CEPT1: variants seen among roughly 807,000 people sequenced by gnomAD.
CEPT1 encodes choline/ethanolamine phosphotransferase 1.
CEPT1 carries 7 observed loss-of-function variants against 42.6 expected under a neutral mutation model. The ratio of observed to expected loss-of-function variants is 0.16; its 90% CI spans 0.09 to 0.31. The LOEUF is 0.31. Among genes scored for constraint, CEPT1 ranks in the 10% least tolerant of loss-of-function variants. The pLI, the probability that CEPT1 is intolerant of heterozygous loss-of-function variation, is 1.00. For synonymous variants in CEPT1, 171 were observed against 171.9 expected (o/e 0.99, Z 0.04); for missense variants, 306 against 502.1 (o/e 0.61, Z 3.73).
chr1:111,182,965 C>T lies in CEPT1; in HGVS notation c.1005+8C>T. ...ATCACTAATAAGCTTGTGGTAAGCA[C>T]CTGAGTTTTTATTTGCTGTGTTTTT... is the stretch of plus-strand genomic sequence containing the variant. On this transcript the variant is annotated splice_region_variant and intron_variant, in intron 7 of 8. Transcript: ENST00000357172. 6.2e-7 allele frequency: 1 copy of T among 1,605,096 alleles called. No homozygotes were observed. Among genetic ancestry groups the T allele is most frequent in the Non-Finnish European group, 8.5e-7 (1 of 1,175,992 alleles).
chr1:111,181,799 G>T (rs746001305), intron 5 of CEPT1: 3 of 153,284 alleles, frequency 2.0e-5, no homozygotes, highest in African/African-American at 7.2e-5. Flanking sequence ...AGATTTAGAG[G>T]TAGAATTCAA....
At chr1:111,182,032 C>T in intron 5 of CEPT1, 155 bp from the exon 6 acceptor site, 1 of 493,244 alleles carries the variant, frequency 2.0e-6, no homozygotes, top group Non-Finnish European at 3.5e-6. Context: ...TGCTATATTG[C>T]TTATAATGAA....
chr1:111,174,121 C>T (rs1656558915), intron 4 of CEPT1, among the ~76,000 whole-genome samples: 1 of 152,104 alleles, frequency 6.6e-6, no homozygotes, highest in Non-Finnish European at 1.5e-5. Flanking sequence ...GCTAAGTTTA[C>T]AAGAGGAAAG....
At chr1:111,145,598 A>G (rs944433486) in intron 1 of CEPT1, among the ~76,000 whole-genome samples, 1 of 152,068 alleles carries the variant, frequency 6.6e-6, no homozygotes, top group Non-Finnish European at 1.5e-5. Context: ...GCTGGTACCT[A>G]CTTGTCCATG....
chr1:111,167,117 C>T, intron 4 of CEPT1: 1 of 985,198 alleles, frequency 1.0e-6, no homozygotes, highest in Non-Finnish European at 1.2e-6. Flanking sequence ...TTCGATGTTA[C>T]AGAGTCCCAG....
intron 5 of CEPT1, among the ~76,000 whole-genome samples, chr1:111,175,562 G>A (rs1656633792): frequency 6.6e-6 from 1 of 152,124 alleles, no homozygotes; most frequent in East Asian, 1.9e-4. Context: ...GTGTGCGTTT[G>A]ACCCAGGTTC....
Position 111,184,932 on chromosome 1 carries a change from G to A in CEPT1, c.*622G>A, listed in dbSNP as rs1657191753. On this transcript the variant is annotated 3_prime_UTR_variant, in exon 9 of 9. Transcript: ENST00000357172. ...ATCCTGTTAGCATGCAGAATAATGTGGTAACTTTGTCAATTTCCCATTTTA... is the reference window on the plus strand; with the variant it reads ...ATCCTGTTAGCATGCAGAATAATGTAGTAACTTTGTCAATTTCCCATTTTA... 5 of 146,990 alleles carry A rather than the reference G, an allele frequency of 3.4e-5. No individual in the cohort carries two copies. The South Asian group carries it at 1.1e-3, about 32-fold the overall frequency. 9.1% of individuals were successfully genotyped at this position (146,990 alleles called of 1,614,324 possible).
chr1:111,160,375 C>T (rs1031059145), intron 3 of CEPT1: 2 of 152,124 alleles, frequency 1.3e-5, no homozygotes, highest in Non-Finnish European at 2.9e-5. Flanking sequence ...TGACATGGCA[C>T]TTAAAATATT....
At chr1:111,156,850 G>A (rs927863610) in intron 2 of CEPT1, among the ~76,000 whole-genome samples, 2 of 152,110 alleles carry the variant, frequency 1.3e-5, no homozygotes, top group African/African-American at 4.8e-5. Context: ...AAAACCATAT[G>A]TTTCTTGGAA....
At position 111,183,606 on chromosome 1, in the gene CEPT1, C is replaced by T. The variant is rs771262800; in HGVS notation, c.1131+19C>T. On this transcript the variant is annotated intron_variant, in intron 8 of 8. Coordinates refer to ENST00000357172, the MANE Select transcript of CEPT1 (RefSeq NM_006090.5). ...TGCCCTGGTAAGTATTGTACTAAGT[C>T]TTATTTCATGGTTTGAGGGTTTGAA... 9 of 1,599,106 alleles carry T rather than the reference C, an allele frequency of 5.6e-6. No individual in the cohort carries two copies. The highest frequency in any genetic ancestry group is 6.8e-6 in the Non-Finnish European group (8 of 1,168,572).
rs924361522 is a variant in CEPT1, at chr1:111,155,149, A to G, written c.340-4231A>G. On this transcript the variant is annotated intron_variant, in intron 2 of 8. Transcript: ENST00000357172. ...TGGAAAACTTTTTAATATTTATTCA[A>G]TCTTGTTATTTGTTATTAGTCTGTT... 1.2e-4 allele frequency among the ~76,000 whole-genome samples: 18 copies of G among 152,218 alleles called. No individual in the cohort carries two copies. The South Asian group carries it at 1.4e-3, about 12-fold the overall frequency.
At chr1:111,174,989 C>T (rs759641837) in intron 5 of CEPT1, 26 bp downstream of exon 5, 1 of 1,267,564 alleles carries the variant, frequency 7.9e-7, no homozygotes, top group East Asian at 2.3e-5. Context: ...TTGTGTATCC[C>T]ATGTAATGCA....
chr1:111,142,744 G>A (rs1005260553), intron 1 of CEPT1, among the ~76,000 whole-genome samples: 1 of 152,156 alleles, frequency 6.6e-6, no homozygotes, highest in Non-Finnish European at 1.5e-5. Flanking sequence ...AACAAGACAG[G>A]CTTGGCCCAT....
Position 111,174,868 on chromosome 1 carries a change from TA to T in CEPT1, c.630-10del, listed in dbSNP as rs781122118. 1.3e-6 allele frequency: 2 copies of T among 1,585,272 alleles called. No homozygotes were observed. The highest frequency in any genetic ancestry group is 1.7e-6 in the Non-Finnish European group (2 of 1,154,126). The stretch of plus-strand genomic sequence containing the variant: ...CTAATTCTGCTCTTTTGGCTTTTTG[TA>T]CCTAATCAGAATTGATGTGACTGAA... On this transcript the variant is annotated splice_polypyrimidine_tract_variant and intron_variant, in intron 4 of 8. Transcript: ENST00000357172.
intron 1 of CEPT1, among the ~76,000 whole-genome samples, chr1:111,143,325 TG>T (rs1013413487): frequency 1.1e-4 from 17 of 152,228 alleles, no homozygotes; most frequent in African/African-American, 3.9e-4. Context: ...CCTCTGAGCT[TG>T]GTATAGAAGC....
At chr1:111,155,831 C>T (rs1375620434) in intron 2 of CEPT1, among the ~76,000 whole-genome samples, 1 of 152,072 alleles carries the variant, frequency 6.6e-6, no homozygotes, top group African/African-American at 2.4e-5. Context: ...AGCCACCAAG[C>T]CTGGCCAGAT....
chr1:111,173,634 GAA>G (rs1182359544), intron 4 of CEPT1, among the ~76,000 whole-genome samples: 1 of 152,120 alleles, frequency 6.6e-6, no homozygotes, highest in East Asian at 1.9e-4. Context: ...GGTATACAGT[GAA>G]AAGTCTCCTC....
intron 1 of CEPT1, among the ~76,000 whole-genome samples, chr1:111,141,913 A>T (rs1654633853): frequency 6.6e-6 from 1 of 152,074 alleles, no homozygotes; most frequent in Non-Finnish European, 1.5e-5. Flanking sequence ...ATTACCTGTG[A>T]AAAGACTGTA....
At chr1:111,150,738 C>T (rs916075081) in intron 2 of CEPT1, among the ~76,000 whole-genome samples, 1 of 152,098 alleles carries the variant, frequency 6.6e-6, no homozygotes, top group Non-Finnish European at 1.5e-5. Flanking sequence ...TGTTTCTTTT[C>T]TTAGAAAAAG....
Sources: allele counts gnomAD v4.1 joint callset (sites outside exome capture counted in the v4.1 genomes callset), GRCh38; gene constraint gnomAD v4.1.1; transcripts MANE v1.5; gene names NCBI Gene and HGNC (gene_info 2026-07-23, HGNC 2026-07-21).